Variants in LIMS1 observed in about 807,000 individuals in gnomAD.
LIMS1 encodes the protein LIM zinc finger domain containing 1, also known as LIM and senescent cell antigen-like-containing domain protein 1.
LIMS1 carries 18 observed loss-of-function variants against 44.1 expected under a neutral mutation model. The ratio of observed to expected loss-of-function variants is 0.41; its 90% CI spans 0.28 to 0.61. The LOEUF (loss-of-function observed/expected upper bound fraction) is 0.61, where lower values mean the gene tolerates loss of function less well. LIMS1 is among the 20% of genes least tolerant of loss of function. The pLI, the probability that LIMS1 is intolerant of heterozygous loss-of-function variation, is 0.32. For synonymous variants in LIMS1, 93 were observed against 149.1 expected (o/e 0.62, Z 2.74); for missense variants, 201 against 422.0 (o/e 0.48, Z 4.59).
chr2:108,607,211 ACAGC>A, intron 1 of LIMS1: 1 of 1,551,008 alleles, frequency 6.4e-7, no homozygotes. Flanking sequence ...CTTAGCTTGG[ACAGC>A]CAGCTGATGA....
intron 1 of LIMS1, among the ~76,000 whole-genome samples, chr2:108,618,256 T>A (rs1223928925): frequency 1.3e-5 from 2 of 152,228 alleles, no homozygotes; most frequent in Non-Finnish European, 2.9e-5. Context: ...CCCTCTGTAC[T>A]GTCAAAATCA....
chr2:108,545,740 A>C (rs1684461572), intron 1 of LIMS1, among the ~76,000 whole-genome samples: 1 of 152,156 alleles, frequency 6.6e-6, no homozygotes, highest in Non-Finnish European at 1.5e-5. Context: ...CTTGAGTCTT[A>C]CCCATATCTG....
At chr2:108,534,639 T>C (rs965098118) in intron 1 of LIMS1, 45 bp downstream of exon 1, 193 of 1,065,064 alleles carry the variant, frequency 1.8e-4, no homozygotes, top group Non-Finnish European at 1.9e-4. Context: ...GCCCCGCAGC[T>C]CCCGGCGGGC....
At chr2:108,669,727 A>T (rs1413182300) in intron 2 of LIMS1, among the ~76,000 whole-genome samples, 2 of 152,090 alleles carry the variant, frequency 1.3e-5, no homozygotes, top group Non-Finnish European at 2.9e-5. Context: ...TCTATTAAAA[A>T]AAAAAAAGGA....
chr2:108,542,113 CTT>C (rs1684336336), intron 1 of LIMS1, among the ~76,000 whole-genome samples: 1 of 152,168 alleles, frequency 6.6e-6, no homozygotes, highest in South Asian at 2.1e-4. Context: ...TGTTTAGTGT[CTT>C]TGACGTTGTT....
rs767046009 is a variant in LIMS1, at chr2:108,683,870, AT to A, written c.900-9del. ...TTCCACTAACTTCTTTTTTTTTATA[AT>A]TTTTTGTCTTTAGGAATAAGTTTGT... On this transcript the variant is annotated splice_polypyrimidine_tract_variant and intron_variant, in intron 9 of 9. Transcript: ENST00000544547. 9 of 1,372,900 alleles carry A rather than the reference AT, an allele frequency of 6.6e-6. No homozygotes were observed. In the African/African-American group the frequency reaches 7.3e-5, roughly 11 times the overall value. 85.0% of individuals were successfully genotyped at this position (1,372,900 alleles called of 1,614,324 possible). A position where few individuals can be genotyped will look rare whatever the true frequency, so the allele number is the denominator to read the frequency against.
exon 2 of LIMS1, chr2:108,659,700 A>G: frequency 6.2e-7 from 1 of 1,612,466 alleles, no homozygotes; most frequent in Non-Finnish European, 8.5e-7. Flanking sequence ...GGGGAGCTGT[A>G]CCATGAGCAG....
intron 2 of LIMS1, among the ~76,000 whole-genome samples, chr2:108,663,995 C>G (rs1274785324): frequency 6.6e-6 from 1 of 152,068 alleles, no homozygotes; most frequent in Non-Finnish European, 1.5e-5. Context: ...CTCAGGTGAT[C>G]CGCTCGCCTC....
intron 1 of LIMS1, among the ~76,000 whole-genome samples, chr2:108,639,755 A>ACAT (rs1312011572): frequency 6.6e-6 from 1 of 152,146 alleles, no homozygotes; most frequent in African/African-American, 2.4e-5. Flanking sequence ...CCAGCCGTGT[A>ACAT]CATGTATTTT....
chr2:108,537,416 T>C, intron 1 of LIMS1, among the ~76,000 whole-genome samples: 1 of 152,242 alleles, frequency 6.6e-6, no homozygotes, highest in East Asian at 1.9e-4. Context: ...CTTGTAGTTT[T>C]GGCTAGTTTT....
intron 2 of LIMS1, among the ~76,000 whole-genome samples, chr2:108,667,200 A>G (rs2148986895): frequency 6.6e-6 from 1 of 152,298 alleles, no homozygotes; most frequent in African/African-American, 2.4e-5. Context: ...ATATACAAAG[A>G]CATCACTTTT....
chr2:108,542,172 G>A (rs535062756), intron 1 of LIMS1, among the ~76,000 whole-genome samples: 188 of 152,194 alleles, frequency 1.2e-3, no homozygotes, highest in Admixed American at 2.3e-3. Context: ...ATTTTCTTTG[G>A]TTTAGCTTGA....
intron 1 of LIMS1, among the ~76,000 whole-genome samples, chr2:108,612,171 C>T (rs1340417405): frequency 9.2e-5 from 14 of 151,486 alleles, no homozygotes; most frequent in Non-Finnish European, 2.1e-4. Flanking sequence ...ATTAGTCTCA[C>T]AGAGTGACTG....
At chr2:108,574,257 G>A (rs1685588939) in intron 1 of LIMS1, among the ~76,000 whole-genome samples, 1 of 152,070 alleles carries the variant, frequency 6.6e-6, no homozygotes, top group Non-Finnish European at 1.5e-5. Flanking sequence ...TCAGGGAAGG[G>A]GCTTTCAAAA....
At chr2:108,588,703 T>C (rs1573382658) in intron 1 of LIMS1, 1 of 726,306 alleles carries the variant, frequency 1.4e-6, no homozygotes, top group Non-Finnish European at 1.7e-6. Context: ...ATCTAAAGGA[T>C]ATTTGTTGAA....
In LIMS1 at chr2:108,674,325, A is replaced by G. The variant is rs539654640; in HGVS notation, c.530+1296A>G. ...AACCTGGGAGACAGAGCGTGACTCC[A>G]TCTCAAAAAATAAAAATAAAAAAAT... On this transcript the variant is annotated intron_variant, in intron 5 of 9. Coordinates refer to ENST00000544547, the Ensembl canonical transcript of LIMS1. Among the ~76,000 whole-genome samples, 6 of 152,164 alleles carry G rather than the reference A, an allele frequency of 3.9e-5. No individual in the cohort carries two copies. The South Asian group carries it at 1.2e-3, about 32-fold the overall frequency.
intron 1 of LIMS1, among the ~76,000 whole-genome samples, chr2:108,552,659 C>T (rs1684798615): frequency 2.0e-5 from 3 of 150,756 alleles, no homozygotes; most frequent in Admixed American, 6.7e-5. Context: ...GCATGATCAC[C>T]ACTCACTGCA....
chr2:108,535,782 A>G (rs1684114846), intron 1 of LIMS1, among the ~76,000 whole-genome samples: 1 of 152,232 alleles, frequency 6.6e-6, no homozygotes, highest in Admixed American at 6.5e-5. Context: ...TCAAAGTGAC[A>G]GACTCACTTT....
At chr2:108,562,258 C>A (rs928501940) in intron 1 of LIMS1, among the ~76,000 whole-genome samples, 2 of 152,154 alleles carry the variant, frequency 1.3e-5, no homozygotes, top group African/African-American at 4.8e-5. Flanking sequence ...CTATAATAAT[C>A]TTTTAAGTGT....
Sources: gnomAD v4.1 joint callset for allele counts (sites outside exome capture counted in the v4.1 genomes callset) on GRCh38, gnomAD v4.1.1 for gene constraint, MANE v1.5 for transcripts, NCBI Gene and HGNC (gene_info 2026-07-23, HGNC 2026-07-21) for gene names.